Variants in CHRNA3 observed in about 807,000 individuals in gnomAD.
CHRNA3 encodes neuronal acetylcholine receptor subunit alpha-3.
CHRNA3 carries 34 observed loss-of-function variants against 41.9 expected under a neutral mutation model. That is an observed-to-expected ratio of 0.81 (90% CI 0.62 to 1.08). CHRNA3 has a LOEUF of 1.08. Among genes scored for constraint, CHRNA3 ranks in the 50% least tolerant of loss-of-function variants. The probability of loss-of-function intolerance (pLI) is 0.00; values close to 1 mark genes in which losing one functional copy is unlikely to be tolerated. For missense variants in CHRNA3, 542 were observed against 638.3 expected, an observed-to-expected ratio of 0.85 and a Z score of 1.63; for synonymous variants, 281 against 265.2, an observed-to-expected ratio of 1.06 and a Z score of -0.58.
chr15:78,617,165 A>G (rs768375950), intron 3 of CHRNA3, 32 bp from the exon 4 acceptor site: 1 of 1,457,442 alleles, frequency 6.9e-7, no homozygotes, highest in Non-Finnish European at 9.6e-7. Flanking sequence ...GGAGAAGGAG[A>G]CGGTAAAAGA....
chr15:78,595,994 C>T lies in CHRNA3; in HGVS notation c.*610G>A, dbSNP rs1051299934. On this transcript the variant is annotated 3_prime_UTR_variant, in exon 6 of 6. Coordinates refer to ENST00000326828, the MANE Select transcript of CHRNA3 (RefSeq NM_000743.5). Reference sequence around the variant, plus strand: ...TGAGAAGTTTCTGTTGTTTATAATCCACCCAGTTTATGGTGTACTAAGACA... The same window carrying T: ...TGAGAAGTTTCTGTTGTTTATAATCTACCCAGTTTATGGTGTACTAAGACA... The T allele has an allele frequency of 1.4e-5, 13 of 920,850 alleles. No homozygotes were observed. In the South Asian group the frequency reaches 4.0e-4, roughly 29 times the overall value. The allele number at this position is 920,850 out of a possible 1,614,324, so 57.0% of individuals were successfully genotyped here.
Position 78,617,102 on chromosome 15 carries a change from G to T in CHRNA3, c.299C>A (p.Pro100His), listed in dbSNP as rs1488773319. 6.2e-7 allele frequency: 1 copy of T among 1,613,498 alleles called. No individual in the cohort carries two copies. Among genetic ancestry groups the T allele is most frequent in the African/African-American group, 1.3e-5 (1 of 74,920 alleles). The stretch of plus-strand genomic sequence containing the variant: ...GAACTCTGCCCCACCATAGTCAGAG[G>T]GGTTCCATTTCAGCTTGTAGTCATT... Reference protein sequence around the residue: ...IWNDYKLKWNPSDYGGAEFMR... With the variant: ...IWNDYKLKWNHSDYGGAEFMR... Residue 100 changes from proline to histidine, a missense_variant, in exon 4 of 6, where the codon CCC (proline) becomes CAC (histidine). Pro to His is a moderately conservative substitution (Grantham distance 77, BLOSUM62 -2). Coordinates refer to ENST00000326828, the MANE Select transcript of CHRNA3 (RefSeq NM_000743.5).
chr15:78,593,105 G>A, downstream of CHRNA3: 1 of 1,603,724 alleles, frequency 6.2e-7, no homozygotes, highest in Middle Eastern at 1.7e-4. Context: ...GTTGAAGATT[G>A]GAAATTCATA....
At chr15:78,606,838 G>A (rs2053296225) in intron 4 of CHRNA3, among the ~76,000 whole-genome samples, 5 of 152,150 alleles carry the variant, frequency 3.3e-5, no homozygotes, top group Admixed American at 3.3e-4. Flanking sequence ...GGCGGAGCTT[G>A]TAGTGAGCTG....
At position 78,601,840 on chromosome 15, in the gene CHRNA3, C is replaced by T. The variant is rs200528785; in HGVS notation, c.802G>A (p.Asp268Asn). ...CACAGGGTCACCTTCTCACCGCAGT[C>T]GGAGGGCAGGTAGAAGACGAGCACA... is the stretch of plus-strand genomic sequence containing the variant. ...LTVLVFYLPS[D>N]CGEKVTLCIS... Residue 268 changes from aspartate (D) to asparagine (N), a missense_variant, in exon 5 of 6, where the codon GAC (aspartate) becomes AAC (asparagine). Asp to Asn is a conservative substitution (Grantham distance 23). Coordinates refer to ENST00000326828, the MANE Select transcript of CHRNA3 (RefSeq NM_000743.5). The T allele has an allele frequency of 1.2e-5, 20 of 1,613,894 alleles. No homozygotes were observed. The highest frequency in any genetic ancestry group is 1.6e-5 in the Non-Finnish European group (19 of 1,180,016).
rs564899934 is a variant in CHRNA3, at chr15:78,596,450, T to G, written c.*154A>C. The G allele has an allele frequency of 7.7e-7, 1 of 1,307,064 alleles. No individual in the cohort carries two copies. The highest frequency in any genetic ancestry group is 2.9e-5 in the East Asian group (1 of 33,918). The allele number at this position is 1,307,064 out of a possible 1,614,324, so 81.0% of individuals were successfully genotyped here. ...ATAAATACTCTTGACATTTTTTTTT[T>G]TGCATGATTCCAAGATAAGTGGAAA... On this transcript the variant is annotated 3_prime_UTR_variant, in exon 6 of 6. Transcript: ENST00000326828.
downstream of CHRNA3, chr15:78,594,077 T>G (rs2053058362): frequency 6.6e-6 from 1 of 152,166 alleles, no homozygotes; most frequent in Non-Finnish European, 1.5e-5. Context: ...GTGCTGCTGC[T>G]TTTCCATAAC....
chr15:78,614,717 T>G (rs2053436393), intron 4 of CHRNA3, among the ~76,000 whole-genome samples: 1 of 152,194 alleles, frequency 6.6e-6, no homozygotes, highest in Non-Finnish European at 1.5e-5. Context: ...TAAATGTAAA[T>G]GTAAAAGGTT....
chr15:78,599,894 G>GTA (rs2053170955), intron 5 of CHRNA3: 1 of 143,810 alleles, frequency 7.0e-6, no homozygotes, highest in Non-Finnish European at 1.5e-5. Context: ...GCGGGTACCT[G>GTA]TAGTCCCAGA....
At chr15:78,607,235 A>AC (rs1194333711) in intron 4 of CHRNA3, among the ~76,000 whole-genome samples, 2 of 150,970 alleles carry the variant, frequency 1.3e-5, no homozygotes, top group African/African-American at 4.9e-5. Flanking sequence ...AAAAAAAAAA[A>AC]GATTTTCATG....
In CHRNA3 at chr15:78,618,861, T is replaced by C. The variant is rs1422614753; in HGVS notation, c.137A>G (p.Tyr46Cys). Residue 46 changes from tyrosine (Y) to cysteine (C), a missense_variant, in exon 2 of 6, where the codon TAC (tyrosine) becomes TGC (cysteine). Tyr to Cys is a radical substitution (Grantham distance 194). Transcript: ENST00000326828. Reference protein sequence around the residue: ...HRLFERLFEDYNEIIRPVANV... With the variant: ...HRLFERLFEDCNEIIRPVANV... The stretch of plus-strand genomic sequence containing the variant: ...GGCTACAGGCCGGATGATCTCATTG[T>C]AATCTTCAAACAGCCGCTCAAATAG... The C allele has an allele frequency of 6.2e-7, 1 of 1,614,096 alleles. No homozygotes were observed. Among genetic ancestry groups the C allele is most frequent in the Non-Finnish European group, 8.5e-7 (1 of 1,180,020 alleles).
chr15:78,596,703 C>T lies in CHRNA3; in HGVS notation c.1419G>A (p.Met473Ile). The change falls in exon 6 of 6, where the codon ATG becomes ATA. Residue 473 changes from methionine to isoleucine, a missense_variant. Transcript: ENST00000326828. Reference protein sequence around the residue: ...EIQDDWKYVAMVIDRIFLWVF... With the variant: ...EIQDDWKYVAIVIDRIFLWVF... ...CCCACAGAAAAATACGATCAATCAC[C>T]ATGGCAACATACTTCCAATCATCTT... 2 of 1,612,300 alleles carry T rather than the reference C, an allele frequency of 1.2e-6. No individual in the cohort carries two copies. The highest frequency in any genetic ancestry group is 1.7e-6 in the Non-Finnish European group (2 of 1,179,696).
At chr15:78,603,283 G>A (rs1306330968) in intron 4 of CHRNA3, among the ~76,000 whole-genome samples, 2 of 152,222 alleles carry the variant, frequency 1.3e-5, no homozygotes, top group Non-Finnish European at 1.5e-5. Flanking sequence ...CCAAAGTGCT[G>A]AGATTACAGG....
intron 4 of CHRNA3, among the ~76,000 whole-genome samples, chr15:78,608,566 C>T (rs147144681): frequency 0.27 from 41,564 of 152,002 alleles, 6,407 homozygotes; most frequent in Middle Eastern, 0.41. Context: ...ATATCCACAC[C>T]AAAAACCCAT....
At chr15:78,619,004 TC>T in intron 1 of CHRNA3, 89 bp from the exon 2 acceptor site, 1 of 1,435,244 alleles carries the variant, frequency 7.0e-7, no homozygotes, top group South Asian at 1.2e-5. Flanking sequence ...ATCTACAGCA[TC>T]CCCTCCACCT....
chr15:78,611,824 T>C (rs1229854172), intron 4 of CHRNA3, among the ~76,000 whole-genome samples: 6 of 152,000 alleles, frequency 3.9e-5, no homozygotes, highest in Non-Finnish European at 5.9e-5. Flanking sequence ...GAAAACCCCA[T>C]TGTCTCAGCC....
rs1298842146 is a variant in CHRNA3 at position 78,601,254 on chromosome 15, T to A, written c.1388A>T (p.Glu463Val). The A allele has an allele frequency of 6.2e-7, 1 of 1,612,338 alleles. No homozygotes were observed. Among genetic ancestry groups the A allele is most frequent in the East Asian group, 2.2e-5 (1 of 44,860 alleles). Residue 463 changes from glutamate to valine, a missense_variant and splice_region_variant, in exon 5 of 6, where the codon GAG (glutamate) becomes GTG (valine). By Grantham distance (121) the Glu-to-Val change is moderately radical (BLOSUM62 -2). Transcript: ENST00000326828. Reference sequence around the variant, plus strand: ...ATGTAATAAAAGCCATATCCTTACCTCTTTGGCTTCATTTTGTGCTTTCAT... The same window carrying A: ...ATGTAATAAAAGCCATATCCTTACCACTTTGGCTTCATTTTGTGCTTTCAT... ...ENMKAQNEAK[E>V]IQDDWKYVAM...
At chr15:78,613,186 G>A (rs1176261148) in intron 4 of CHRNA3, among the ~76,000 whole-genome samples, 1 of 152,192 alleles carries the variant, frequency 6.6e-6, no homozygotes, top group African/African-American at 2.4e-5. Context: ...TCTAGAACTA[G>A]AAATACCATT....
chr15:78,600,970 T>C (rs969013542), intron 5 of CHRNA3, among the ~76,000 whole-genome samples: 1 of 152,170 alleles, frequency 6.6e-6, no homozygotes, highest in Non-Finnish European at 1.5e-5. Flanking sequence ...ATCTAGTCTA[T>C]TGGCATCAGG....
Sources: gnomAD v4.1 joint callset for allele counts (sites outside exome capture counted in the v4.1 genomes callset) on GRCh38, gnomAD v4.1.1 for gene constraint, MANE v1.5 for transcripts, NCBI Gene and HGNC (gene_info 2026-07-23, HGNC 2026-07-21) for gene names.